The following PGM1 variants were observed in gnomAD, a reference collection of about 807,000 sequenced individuals.
PGM1 encodes the protein phosphoglucomutase-1.
Under a neutral mutation model 55.6 loss-of-function variants are expected in PGM1, and 52 were observed. That is an observed-to-expected ratio of 0.94 (90% CI 0.75 to 1.18). The LOEUF (loss-of-function observed/expected upper bound fraction) is 1.18, where lower values mean the gene tolerates loss of function less well. Among genes scored for constraint, PGM1 ranks in the 50% most tolerant of loss-of-function variants. The pLI is 0.00. For missense variants in PGM1, 724 were observed against 729.3 expected (o/e 0.99, Z 0.08); for synonymous variants, 287 against 271.7 (o/e 1.06, Z -0.55).
At position 63,659,819 on chromosome 1, in the gene PGM1, A is replaced by G; in HGVS notation, c.*144A>G. On this transcript the variant is annotated 3_prime_UTR_variant, in exon 11 of 11. Coordinates refer to ENST00000371084, the MANE Select transcript of PGM1 (RefSeq NM_002633.3). ...TAACCAGTTGACGAGCAGTGCATTT[A>G]CAAGGCACTGCCAAACAAGATGCCC... The G allele has an allele frequency of 1.4e-6, 1 of 705,416 alleles. No individual in the cohort carries two copies. The highest frequency in any genetic ancestry group is 1.5e-5 in the South Asian group (1 of 66,390). The allele number at this position is 705,416 out of a possible 1,614,324, so 43.7% of individuals were successfully genotyped here. A position where few individuals can be genotyped will look rare whatever the true frequency, so the allele number is the denominator to read the frequency against.
intron 1 of PGM1, among the ~76,000 whole-genome samples, chr1:63,596,912 A>G (rs1446377192): frequency 6.6e-6 from 1 of 152,196 alleles, no homozygotes; most frequent in Non-Finnish European, 1.5e-5. Flanking sequence ...CTGAACTGTG[A>G]GTCACTTTTG....
At chr1:63,648,723 A>C (rs1649724938) in intron 8 of PGM1, 71 bp downstream of exon 8, 15 of 1,517,906 alleles carry the variant, frequency 9.9e-6, no homozygotes, top group Non-Finnish European at 1.2e-5. Flanking sequence ...GCGCATCCAC[A>C]GCCTCTCCTG....
chr1:63,631,881 C>G, intron 4 of PGM1, 99 bp downstream of exon 4: 1 of 1,171,174 alleles, frequency 8.5e-7, no homozygotes, highest in Non-Finnish European at 1.3e-6. Flanking sequence ...TCTCAAGTCT[C>G]TCTGATGGTT....
At chr1:63,659,502 TA>T (rs1468767876) in intron 10 of PGM1, 83 bp from the exon 11 acceptor site, 1 of 1,081,190 alleles carries the variant, frequency 9.2e-7, no homozygotes, top group African/African-American at 1.5e-5. Context: ...GACCTGGAAG[TA>T]GGCAGTCAGA....
At chr1:63,600,363 G>T (rs1320581019) in intron 1 of PGM1, 1 of 152,068 alleles carries the variant, frequency 6.6e-6, no homozygotes, top group African/African-American at 2.4e-5. Flanking sequence ...TGAGATAGAG[G>T]GTTTGTTTTG....
intron 1 of PGM1, among the ~76,000 whole-genome samples, chr1:63,628,375 G>A (rs2100980886): frequency 6.6e-6 from 1 of 152,300 alleles, no homozygotes; most frequent in Middle Eastern, 3.4e-3. Flanking sequence ...CTCCTTGGGA[G>A]GTGGTTGGTA....
chr1:63,610,225 A>T (rs1475302797), intron 1 of PGM1, among the ~76,000 whole-genome samples: 2 of 152,212 alleles, frequency 1.3e-5, no homozygotes, highest in East Asian at 3.9e-4. Context: ...CCACTCAAAT[A>T]TGAATTATTT....
intron 7 of PGM1, among the ~76,000 whole-genome samples, chr1:63,642,705 C>T (rs1649548824): frequency 6.6e-6 from 1 of 152,092 alleles, no homozygotes; most frequent in African/African-American, 2.4e-5. Context: ...CTGGTCAGGT[C>T]TAGAGGCTAG....
intron 8 of PGM1, among the ~76,000 whole-genome samples, chr1:63,649,448 C>G (rs2100999200): frequency 6.6e-6 from 1 of 152,150 alleles, no homozygotes; most frequent in Non-Finnish European, 1.5e-5. Context: ...TTTTTCTGGA[C>G]CTCAGTATTC....
chr1:63,623,186 C>T, intron 1 of PGM1: 1 of 1,249,694 alleles, frequency 8.0e-7, no homozygotes, highest in Non-Finnish European at 1.0e-6. Context: ...GGGTATTTGG[C>T]TTGGTTAAGT....
At chr1:63,613,703 CTTT>C (rs56355869) in intron 1 of PGM1, among the ~76,000 whole-genome samples, 20 of 121,528 alleles carry the variant, frequency 1.6e-4, no homozygotes, top group East Asian at 4.9e-4. Context: ...TTCAATGTAT[CTTT>C]TTTTTTTTTT....
At chr1:63,627,290 G>A (rs1416229391) in intron 1 of PGM1, among the ~76,000 whole-genome samples, 1 of 152,108 alleles carries the variant, frequency 6.6e-6, no homozygotes, top group Admixed American at 6.6e-5. Context: ...TTTGGAGTCA[G>A]AAAAGGGACA....
At chr1:63,627,942 A>G (rs1315343914) in intron 1 of PGM1, among the ~76,000 whole-genome samples, 1 of 152,096 alleles carries the variant, frequency 6.6e-6, no homozygotes, top group Middle Eastern at 3.2e-3. Context: ...CATGGCCGCT[A>G]ATGTGCTGTG....
intron 4 of PGM1, among the ~76,000 whole-genome samples, chr1:63,632,767 C>T (rs761162330): frequency 2.0e-5 from 3 of 152,198 alleles, no homozygotes; most frequent in Admixed American, 6.5e-5. Flanking sequence ...AATCCCAACA[C>T]TTTGAGAGGC....
At position 63,593,535 on chromosome 1, in the gene PGM1, A is replaced by C; in HGVS notation, c.47A>C (p.Lys16Thr). Residue 16 changes from lysine (K) to threonine (T), a missense_variant, in exon 1 of 11, where the codon AAG becomes ACG. Physicochemically the swap from Lys to Thr is moderately conservative, Grantham distance 78. Coordinates refer to ENST00000371084, the MANE Select transcript of PGM1 (RefSeq NM_002633.3). The part of the protein sequence containing the change: ...TVKTQAYQDQ[K>T]PGTSGLRKRV... The stretch of plus-strand genomic sequence containing the variant: ...AAGACCCAGGCGTACCAGGACCAGA[A>C]GCCGGGCACGAGCGGGCTGCGGAAG... The C allele has an allele frequency of 6.2e-7, 1 of 1,613,910 alleles. No individual in the cohort carries two copies. Among genetic ancestry groups the C allele is most frequent in the Non-Finnish European group, 8.5e-7 (1 of 1,179,936 alleles).
At chr1:63,607,713 G>C (rs992768493) in intron 1 of PGM1, among the ~76,000 whole-genome samples, 1 of 151,960 alleles carries the variant, frequency 6.6e-6, no homozygotes, top group Admixed American at 6.6e-5. Flanking sequence ...AATTAGTATC[G>C]TACCCTGCCA....
chr1:63,635,995 G>A (rs1230887170), intron 5 of PGM1, among the ~76,000 whole-genome samples: 1 of 152,244 alleles, frequency 6.6e-6, no homozygotes, highest in Non-Finnish European at 1.5e-5. Context: ...CAGCTCAAAA[G>A]GAGGTTGTGC....
intron 4 of PGM1, among the ~76,000 whole-genome samples, 200 bp downstream of exon 4, chr1:63,631,982 G>C (rs898420608): frequency 1.5e-4 from 23 of 152,152 alleles, no homozygotes; most frequent in Admixed American, 7.2e-4. Flanking sequence ...ACTCCTCGTG[G>C]TAAGCTCGTG....
At position 63,630,034 on chromosome 1, in the gene PGM1, G is replaced by A; in HGVS notation, c.502G>A (p.Gly168Ser). ...AVCPDLKVDL[G>S]VLGKQQFDLE... ...TTGCCCTGACCTGAAAGTAGACCTTGGTGTTCTGGGAAAGCAGCAGTTTGA... is the reference window on the plus strand; with the variant it reads ...TTGCCCTGACCTGAAAGTAGACCTTAGTGTTCTGGGAAAGCAGCAGTTTGA... The change falls in exon 3 of 11, where the codon GGT (glycine) becomes AGT (serine). Residue 168 changes from glycine (G) to serine (S), a missense_variant. By Grantham distance (56) the Gly-to-Ser change is moderately conservative. Coordinates refer to ENST00000371084, the MANE Select transcript of PGM1 (RefSeq NM_002633.3). The A allele has an allele frequency of 6.2e-7, 1 of 1,613,946 alleles. No individual in the cohort carries two copies. The highest frequency in any genetic ancestry group is 8.5e-7 in the Non-Finnish European group (1 of 1,179,858).
Sources: gnomAD v4.1 joint callset for allele counts (sites outside exome capture counted in the v4.1 genomes callset) on GRCh38, gnomAD v4.1.1 for gene constraint, MANE v1.5 for transcripts, NCBI Gene and HGNC (gene_info 2026-07-23, HGNC 2026-07-21) for gene names.